SYNPR: variants seen among roughly 807,000 people sequenced by gnomAD.
SYNPR encodes the protein synaptoporin.
Under a neutral mutation model 32.9 loss-of-function variants are expected in SYNPR, and 23 were observed. The ratio of observed to expected loss-of-function variants is 0.70; its 90% CI spans 0.50 to 0.99. SYNPR has a LOEUF of 0.99. Among genes scored for constraint, SYNPR ranks in the 50% least tolerant of loss-of-function variants. SYNPR has a pLI of 0.00. For synonymous variants in SYNPR, 146 were observed against 135.9 expected (o/e 1.07, Z -0.52); for missense variants, 318 against 349.3 (o/e 0.91, Z 0.71).
intron 4 of SYNPR, among the ~76,000 whole-genome samples, chr3:63,598,494 T>C (rs1242210526): frequency 6.6e-6 from 1 of 152,202 alleles, no homozygotes; most frequent in Non-Finnish European, 1.5e-5. Context: ...AACAGATACT[T>C]AAAACATATT....
At chr3:63,339,866 A>G (rs1232839073) in intron 2 of SYNPR, among the ~76,000 whole-genome samples, 6 of 152,152 alleles carry the variant, frequency 3.9e-5, no homozygotes, top group Non-Finnish European at 2.9e-5. Flanking sequence ...TATGTTGGCC[A>G]GGCTGGTCTC....
At chr3:63,572,387 C>A (rs938410559) in intron 4 of SYNPR, among the ~76,000 whole-genome samples, 8 of 152,140 alleles carry the variant, frequency 5.3e-5, no homozygotes, top group African/African-American at 1.9e-4. Flanking sequence ...TCTGTCCTGT[C>A]TAAAGCATTG....
chr3:63,327,867 G>A (rs1199095032), intron 2 of SYNPR, among the ~76,000 whole-genome samples: 4 of 152,054 alleles, frequency 2.6e-5, no homozygotes, highest in Admixed American at 2.6e-4. Flanking sequence ...TTCACCCTCT[G>A]AAAATTCATT....
At chr3:63,527,768 C>T (rs933733253) in intron 3 of SYNPR, among the ~76,000 whole-genome samples, 11 of 152,128 alleles carry the variant, frequency 7.2e-5, no homozygotes, top group East Asian at 1.9e-4. Flanking sequence ...ATGTCCTTTG[C>T]GTGGCCTTAT....
At chr3:63,442,439 A>G (rs1700196502) in intron 2 of SYNPR, among the ~76,000 whole-genome samples, 1 of 152,170 alleles carries the variant, frequency 6.6e-6, no homozygotes, top group South Asian at 2.1e-4. Flanking sequence ...GTGCTGCGGT[A>G]TCTGCCTTGG....
intron 2 of SYNPR, among the ~76,000 whole-genome samples, chr3:63,435,052 A>G (rs758142090): frequency 1.3e-4 from 20 of 152,186 alleles, no homozygotes; most frequent in Non-Finnish European, 2.1e-4. Flanking sequence ...CAACTGAAAT[A>G]CAACATTGTT....
At position 63,615,212 on chromosome 3, in the gene SYNPR, A is replaced by T; in HGVS notation, c.601-12A>T. 1 of 1,611,202 alleles carries T rather than the reference A, an allele frequency of 6.2e-7. No individual in the cohort carries two copies. The highest frequency in any genetic ancestry group is 8.5e-7 in the Non-Finnish European group (1 of 1,178,338). On this transcript the variant is annotated splice_polypyrimidine_tract_variant and intron_variant, in intron 5 of 5. Coordinates refer to ENST00000478300, the MANE Select transcript of SYNPR (RefSeq NM_001130003.2). ...CTAGTCTATCAATTCATTGGCTTTGATTCTCCTTCAGGTCTTTGGATTCTT... is the reference window on the plus strand; with the variant it reads ...CTAGTCTATCAATTCATTGGCTTTGTTTCTCCTTCAGGTCTTTGGATTCTT...
chr3:63,541,467 A>G (rs1379396895), intron 3 of SYNPR, among the ~76,000 whole-genome samples: 3 of 152,114 alleles, frequency 2.0e-5, no homozygotes, highest in Admixed American at 6.6e-5. Context: ...AGTTCTTTCT[A>G]TTGACCTGAG....
At chr3:63,454,636 G>T (rs532292314) in intron 2 of SYNPR, among the ~76,000 whole-genome samples, 2 of 152,058 alleles carry the variant, frequency 1.3e-5, no homozygotes, top group African/African-American at 4.8e-5. Flanking sequence ...CACAGACAAA[G>T]GTCCTCATTC....
At chr3:63,244,896 A>C (rs1157512868) in intron 1 of SYNPR, among the ~76,000 whole-genome samples, 2 of 152,130 alleles carry the variant, frequency 1.3e-5, no homozygotes, top group African/African-American at 4.8e-5. Context: ...TTGCCTACAG[A>C]AAATGTACAG....
intron 2 of SYNPR, among the ~76,000 whole-genome samples, chr3:63,332,298 G>T (rs2087239310): frequency 6.6e-6 from 1 of 152,146 alleles, no homozygotes; most frequent in Non-Finnish European, 1.5e-5. Flanking sequence ...AGTGTTCCCT[G>T]ACTGTGCTCT....
chr3:63,373,058 T>C (rs1007563431), intron 2 of SYNPR, among the ~76,000 whole-genome samples: 1 of 151,496 alleles, frequency 6.6e-6, no homozygotes, highest in African/African-American at 2.4e-5. Context: ...TCTAAAAACA[T>C]CCAGAAAAGA....
intron 2 of SYNPR, among the ~76,000 whole-genome samples, chr3:63,320,755 A>T (rs2087103183): frequency 6.6e-6 from 1 of 152,034 alleles, no homozygotes; most frequent in Non-Finnish European, 1.5e-5. Context: ...TTGTTTAGTG[A>T]CTTTATTCAT....
chr3:63,526,788 C>G (rs1468847164), intron 3 of SYNPR, among the ~76,000 whole-genome samples: 1 of 152,160 alleles, frequency 6.6e-6, no homozygotes, highest in Non-Finnish European at 1.5e-5. Flanking sequence ...GACCAAGGAA[C>G]AAGCCTGGAA....
chr3:63,248,969 C>T (rs919005734), intron 1 of SYNPR, among the ~76,000 whole-genome samples: 2 of 151,870 alleles, frequency 1.3e-5, no homozygotes, highest in African/African-American at 4.8e-5. Context: ...GTTTTTTTTA[C>T]CTATCCCTAT....
intron 2 of SYNPR, among the ~76,000 whole-genome samples, chr3:63,340,851 T>C (rs1461418715): frequency 6.6e-6 from 1 of 152,266 alleles, no homozygotes; most frequent in Non-Finnish European, 1.5e-5. Context: ...CTACATTTAG[T>C]GTAATTGATA....
intron 2 of SYNPR, among the ~76,000 whole-genome samples, chr3:63,289,014 C>G (rs2086713306): frequency 6.6e-6 from 1 of 152,154 alleles, no homozygotes; most frequent in Admixed American, 6.5e-5. Flanking sequence ...CCATAACTAT[C>G]AAATGAGGAC....
intron 4 of SYNPR, among the ~76,000 whole-genome samples, chr3:63,569,874 G>C (rs949054212): frequency 3.3e-5 from 5 of 152,178 alleles, no homozygotes; most frequent in Admixed American, 1.3e-4. Context: ...AATGCCCGCA[G>C]TTCTGTATGT....
chr3:63,340,419 A>ATTTT (rs60297238), intron 2 of SYNPR, among the ~76,000 whole-genome samples: 4 of 128,502 alleles, frequency 3.1e-5, no homozygotes, highest in African/African-American at 8.7e-5. Context: ...AAAAAAATGT[A>ATTTT]TTTTTTTTTT....
Sources: gnomAD v4.1 joint callset for allele counts (sites outside exome capture counted in the v4.1 genomes callset) on GRCh38, gnomAD v4.1.1 for gene constraint, MANE v1.5 for transcripts, NCBI Gene and HGNC (gene_info 2026-07-23, HGNC 2026-07-21) for gene names.